ACCS: variants seen among roughly 807,000 people sequenced by gnomAD.
ACCS encodes 1-aminocyclopropane-1-carboxylate synthase homolog (inactive).
Under a neutral mutation model 59.8 loss-of-function variants are expected in ACCS, and 42 were observed. The ratio of observed to expected loss-of-function variants is 0.70; its 90% CI spans 0.55 to 0.91. The LOEUF (loss-of-function observed/expected upper bound fraction) is 0.91, where lower values mean the gene tolerates loss of function less well. ACCS is among the 40% of genes least tolerant of loss of function. The probability of loss-of-function intolerance (pLI) is 0.00; values close to 1 mark genes in which losing one functional copy is unlikely to be tolerated. For missense variants in ACCS, 602 were observed against 630.4 expected (o/e 0.95, Z 0.48); for synonymous variants, 230 against 240.3 (o/e 0.96, Z 0.40).
intron 2 of ACCS, among the ~76,000 whole-genome samples, chr11:44,069,053 A>G (rs1236007246): frequency 1.3e-5 from 2 of 152,206 alleles, no homozygotes; most frequent in Non-Finnish European, 2.9e-5. Context: ...GGCTATTTTA[A>G]TAAGATGAAC....
Position 44,067,933 on chromosome 11 carries a change from C to T in ACCS, c.288+18C>T. On this transcript the variant is annotated intron_variant, in intron 2 of 14. Coordinates refer to ENST00000263776, the MANE Select transcript of ACCS (RefSeq NM_032592.4). The stretch of plus-strand genomic sequence containing the variant: ...ACCCCAGTGTGAGTGAAGCTCCCCT[C>T]CCACTGGGACCCAAGAGAGAACTGC... 6.3e-7 allele frequency: 1 copy of T among 1,575,756 alleles called. No individual in the cohort carries two copies.
intron 10 of ACCS, 117 bp from the exon 11 acceptor site, chr11:44,080,903 G>A: frequency 7.6e-7 from 1 of 1,312,982 alleles, no homozygotes; most frequent in Non-Finnish European, 1.1e-6. Context: ...ATGAAACCAG[G>A]GCTTGTCCTG....
At chr11:44,072,886 G>C (rs777905523) in intron 3 of ACCS, among the ~76,000 whole-genome samples, 13 of 152,178 alleles carry the variant, frequency 8.5e-5, no homozygotes, top group Non-Finnish European at 1.9e-4. Flanking sequence ...TTTGGCCCCA[G>C]TGCGTAAGGC....
chr11:44,068,321 A>G (rs1481813735), intron 2 of ACCS, among the ~76,000 whole-genome samples: 1 of 152,220 alleles, frequency 6.6e-6, no homozygotes, highest in African/African-American at 2.4e-5. Flanking sequence ...AATAAGGCCA[A>G]GCATGGTGGT....
At chr11:44,075,233 G>A (rs1163865534) in intron 5 of ACCS, among the ~76,000 whole-genome samples, 3 of 152,102 alleles carry the variant, frequency 2.0e-5, no homozygotes, top group Non-Finnish European at 4.4e-5. Flanking sequence ...CTCCCTCCTC[G>A]ATGTTTAAAG....
rs773604822 is a variant in ACCS at position 44,083,566 on chromosome 11, G to A, written c.1397G>A (p.Arg466Gln). ...FRFVFSDQVHRLCLGMQRVQQ... is the reference protein window; with the variant it reads ...FRFVFSDQVHQLCLGMQRVQQ... ...TTTGTCTTCTCAGACCAGGTCCACC[G>A]GCTTTGCCTGGGTGAGCAGCCTGCC... is the stretch of plus-strand genomic sequence containing the variant. Residue 466 changes from arginine (R) to glutamine (Q), a missense_variant, in exon 14 of 15, where the codon CGG (arginine) becomes CAG (glutamine). Coordinates refer to ENST00000263776, the MANE Select transcript of ACCS (RefSeq NM_032592.4). 25 of 1,614,094 alleles carry A rather than the reference G, an allele frequency of 1.5e-5. No homozygotes were observed. The highest frequency in any genetic ancestry group is 2.2e-5 in the South Asian group (2 of 91,086).
chr11:44,078,096 G>A, intron 8 of ACCS, 174 bp downstream of exon 8: 1 of 810,874 alleles, frequency 1.2e-6, no homozygotes, highest in Non-Finnish European at 1.9e-6. Context: ...ACCCTGCCCA[G>A]GGAGGGTCTT....
chr11:44,079,491 A>G (rs1449123184), intron 9 of ACCS, 40 bp from the exon 10 acceptor site: 4 of 1,558,882 alleles, frequency 2.6e-6, no homozygotes, highest in Admixed American at 3.6e-5. Context: ...CATCTGCCCT[A>G]CACACTAAGT....
rs1400910622 is a variant in ACCS, at chr11:44,083,692, C to T, written c.1409-3C>T. On this transcript the variant is annotated splice_region_variant and splice_polypyrimidine_tract_variant and intron_variant, in intron 14 of 14. Transcript: ENST00000263776. ...CAACTGGCCCCTCACTTCCCCTTCC[C>T]AGGGATGCAGAGGGTCCAGCAGGTG... 1 of 1,614,122 alleles carries T rather than the reference C, an allele frequency of 6.2e-7. No homozygotes were observed. The highest frequency in any genetic ancestry group is 8.5e-7 in the Non-Finnish European group (1 of 1,180,018).
chr11:44,067,507 T>C (rs1022564349), intron 1 of ACCS, 121 bp from the exon 2 acceptor site: 6 of 1,026,086 alleles, frequency 5.8e-6, no homozygotes, highest in Non-Finnish European at 8.6e-6. Context: ...AAGTGATGAG[T>C]GCATAAACCT....
chr11:44,074,667 C>T lies in ACCS; in HGVS notation c.475C>T (p.Leu159Phe). The T allele has an allele frequency of 1.2e-6, 2 of 1,612,048 alleles. No individual in the cohort carries two copies. The highest frequency in any genetic ancestry group is 1.7e-6 in the Non-Finnish European group (2 of 1,179,080). Residue 159 changes from leucine (L) to phenylalanine (F), a missense_variant, in exon 5 of 15, where the codon CTC becomes TTC. Coordinates refer to ENST00000263776, the MANE Select transcript of ACCS (RefSeq NM_032592.4). ...LSFYCKSPVPLRPENVVVLNG... is the reference protein window; with the variant it reads ...LSFYCKSPVPFRPENVVVLNG... ...TTTCTACTGCAAGAGCCCAGTACCC[C>T]TCAGACCAGAGAATGTGAGTGGCCC...
At chr11:44,076,643 G>A (rs564787085) in intron 6 of ACCS, among the ~76,000 whole-genome samples, 1 of 152,236 alleles carries the variant, frequency 6.6e-6, no homozygotes, top group Non-Finnish European at 1.5e-5. Context: ...ATTGTCAGGA[G>A]CAAATGAGAT....
At chr11:44,066,754 T>G (rs1952812767) in intron 1 of ACCS, 53 bp downstream of exon 1, 1 of 152,218 alleles carries the variant, frequency 6.6e-6, no homozygotes, top group Admixed American at 6.5e-5. Flanking sequence ...CTGAGAAGAC[T>G]TTGCGGAGGA....
intron 9 of ACCS, chr11:44,079,159 A>G (rs1953520576): frequency 2.8e-6 from 1 of 363,004 alleles, no homozygotes; most frequent in African/African-American, 2.0e-5. Context: ...AATCCTCACA[A>G]CAACCCTACT....
At chr11:44,082,814 C>A (rs976688827) in intron 12 of ACCS, among the ~76,000 whole-genome samples, 4 of 152,086 alleles carry the variant, frequency 2.6e-5, no homozygotes, top group African/African-American at 4.8e-5. Flanking sequence ...TTGTCATTGG[C>A]CACACTGGGA....
At chr11:44,078,322 G>C in intron 8 of ACCS, 1 of 313,280 alleles carries the variant, frequency 3.2e-6, no homozygotes. Context: ...GCAGAGACCA[G>C]TATTCCAGTG....
Position 44,073,447 on chromosome 11 carries a change from C to A in ACCS, c.349C>A (p.Leu117Met). 6.2e-7 allele frequency: 1 copy of A among 1,606,474 alleles called. No homozygotes were observed. Among genetic ancestry groups the A allele is most frequent in the Non-Finnish European group, 8.5e-7 (1 of 1,177,024 alleles). ...CGTGCTCTTCCCTCTCTGTCCCCAG[C>A]TGAGTCAGCGCGACATGCAGAGGGT... ...KLCFDLLSWRLSQRDMQRVEP... is the reference protein window; with the variant it reads ...KLCFDLLSWRMSQRDMQRVEP... Residue 117 changes from leucine (L) to methionine (M), a missense_variant and splice_region_variant, in exon 4 of 15, where the codon CTG (leucine) becomes ATG (methionine). Coordinates refer to ENST00000263776, the MANE Select transcript of ACCS (RefSeq NM_032592.4).
At position 44,083,939 on chromosome 11, in the gene ACCS, C is replaced by T. The variant is rs528415721; in HGVS notation, c.*147C>T. On this transcript the variant is annotated 3_prime_UTR_variant, in exon 15 of 15. Coordinates refer to ENST00000263776, the MANE Select transcript of ACCS (RefSeq NM_032592.4). ...GCCTGAAGAACTGTTTCTTGTCTTT[C>T]GCTGTAGCAGTGGGAAACTCCTTAA... 1.5e-4 allele frequency: 220 copies of T among 1,460,218 alleles called. 1 individual carries two copies. The African/African-American group carries it at 2.5e-3, about 17-fold the overall frequency. The allele number at this position is 1,460,218 out of a possible 1,614,324, so 90.5% of individuals were successfully genotyped here.
At position 44,083,183 on chromosome 11, in the gene ACCS, G is replaced by A; in HGVS notation, c.1126G>A (p.Val376Met). Residue 376 changes from valine to methionine, a missense_variant, in exon 13 of 15, where the codon GTG becomes ATG. Physicochemically the swap from Val to Met is conservative, Grantham distance 21 (BLOSUM62 1). Transcript: ENST00000263776. ...LLRDRDWINQ[V>M]YLPENHARLK... is the part of the protein sequence containing the mutation. Reference sequence around the variant, plus strand: ...CACCCAAACAGACTGGATCAACCAGGTGTACCTGCCGGAAAACCATGCCCG... The same window carrying A: ...CACCCAAACAGACTGGATCAACCAGATGTACCTGCCGGAAAACCATGCCCG... 1 of 1,614,170 alleles carries A rather than the reference G, an allele frequency of 6.2e-7. No individual in the cohort carries two copies. The highest frequency in any genetic ancestry group is 1.1e-5 in the South Asian group (1 of 91,084).
Sources: allele counts gnomAD v4.1 joint callset (sites outside exome capture counted in the v4.1 genomes callset), GRCh38; gene constraint gnomAD v4.1.1; transcripts MANE v1.5; gene names NCBI Gene and HGNC (gene_info 2026-07-23, HGNC 2026-07-21).